The following IL32 variants were observed in gnomAD, a reference collection of about 807,000 sequenced individuals.
The protein encoded by IL32 is interleukin 32.
A neutral mutation model predicts 16.6 loss-of-function variants in IL32; 30 were observed. The ratio of observed to expected loss-of-function variants is 1.81; its 90% confidence interval spans 1.35 to 2.45. The LOEUF is 2.45. Among genes scored for constraint, IL32 ranks in the 30% most tolerant of loss-of-function variants. The pLI, the probability that IL32 is intolerant of heterozygous loss-of-function variation, is 0.00. For synonymous variants in IL32, 70 were observed against 86.1 expected, an observed-to-expected ratio of 0.81 and a Z score of 1.03; for missense variants, 234 against 229.8, an observed-to-expected ratio of 1.02 and a Z score of -0.12.
rs1388676429 is a variant in IL32 at position 3,067,540 on chromosome 16, G to C, written c.55-14G>C. Reference sequence around the variant, plus strand: ...GATCCGGCCCTTTGGTGCCAACTCTGCCTCTCTTCACAGCACCAGGCCATA... The same window carrying C: ...GATCCGGCCCTTTGGTGCCAACTCTCCCTCTCTTCACAGCACCAGGCCATA... On this transcript the variant is annotated splice_polypyrimidine_tract_variant and intron_variant, in intron 3 of 6. Transcript: ENST00000525643. The C allele has an allele frequency of 3.7e-6, 6 of 1,613,920 alleles. No individual in the cohort carries two copies. Among genetic ancestry groups the C allele is most frequent in the Non-Finnish European group, 8.5e-7 (1 of 1,179,994 alleles).
At chr16:3,066,885 G>T (rs1401011317) in intron 2 of IL32, among the ~76,000 whole-genome samples, 1 of 150,528 alleles carries the variant, frequency 6.6e-6, no homozygotes, top group African/African-American at 2.4e-5. Flanking sequence ...ACATGGGGGG[G>T]TGTGTGTGTG....
intron 6 of IL32, 177 bp downstream of exon 6, chr16:3,068,416 C>G (rs916596647): frequency 1.2e-4 from 71 of 615,540 alleles, no homozygotes; most frequent in Admixed American, 2.8e-5. Flanking sequence ...AGTGATTCTC[C>G]TGCCTCAGCC....
At chr16:3,067,271 C>CTCTGTG (rs1317427759) in intron 2 of IL32, 106 bp from the exon 3 acceptor site, 39 of 603,672 alleles carry the variant, frequency 6.5e-5, no homozygotes, top group African/African-American at 5.8e-4. Flanking sequence ...CCATGTGTCT[C>CTCTGTG]TGTGTGTGTG....
Position 3,067,542 on chromosome 16 carries a change from C to T in IL32, c.55-12C>T, listed in dbSNP as rs753486240. 1.1e-5 allele frequency: 18 copies of T among 1,613,948 alleles called. No homozygotes were observed. The highest frequency in any genetic ancestry group is 1.6e-4 in the Middle Eastern group (1 of 6,082). ...TCCGGCCCTTTGGTGCCAACTCTGC[C>T]TCTCTTCACAGCACCAGGCCATAGA... On this transcript the variant is annotated splice_polypyrimidine_tract_variant and intron_variant, in intron 3 of 6. Transcript: ENST00000525643.
At chr16:3,067,508 G>T in intron 3 of IL32, 46 bp from the exon 4 acceptor site, 1 of 1,614,032 alleles carries the variant, frequency 6.2e-7, no homozygotes, top group Non-Finnish European at 8.5e-7. Flanking sequence ...GACCCTGGAG[G>T]GACAAGGATC....
rs772802450 is a variant in IL32, at chr16:3,067,430, T to TA, written c.54+16dup. 1 of 1,603,986 alleles carries TA rather than the reference T, an allele frequency of 6.2e-7. No homozygotes were observed. Among genetic ancestry groups the TA allele is most frequent in the African/African-American group, 1.3e-5 (1 of 74,570 alleles). Reference sequence around the variant, plus strand: ...AGGCCCGAATGGTAATGCTCCTCCCTACTTCTGCTCAGGGGTTGGGGGCCT... The same window carrying TA: ...AGGCCCGAATGGTAATGCTCCTCCCTAACTTCTGCTCAGGGGTTGGGGGCCT... On this transcript the variant is annotated intron_variant, in intron 3 of 6. Transcript: ENST00000525643.
At chr16:3,068,399 G>T in intron 6 of IL32, 160 bp downstream of exon 6, 1 of 661,604 alleles carries the variant, frequency 1.5e-6, no homozygotes, top group Non-Finnish European at 2.6e-6. Context: ...TCCAAATCTC[G>T]GGTTTAAGTG....
intron 2 of IL32, 33 bp from the exon 3 acceptor site, chr16:3,067,344 C>T (rs1172631031): frequency 2.3e-6 from 3 of 1,302,998 alleles, no homozygotes. Context: ...TAAGGTGACA[C>T]ATGGAGACTG....
intron 2 of IL32, among the ~76,000 whole-genome samples, chr16:3,066,764 A>G (rs1478233810): frequency 6.6e-6 from 1 of 152,064 alleles, no homozygotes; most frequent in Admixed American, 6.5e-5. Flanking sequence ...CTCAATTGTC[A>G]TGTCCCTAAA....
At chr16:3,065,607 C>A, upstream of IL32, 1 of 678,184 alleles carries the variant, frequency 1.5e-6, no homozygotes, top group South Asian at 1.7e-5. Flanking sequence ...CCCCCACTTT[C>A]CCCATAAAAC....
rs1956477285 is a variant in IL32 at position 3,067,289 on chromosome 16, G to GTGTGTGTGTGTGTGTCTC, written c.16-73_16-72insCTCTGTGTGTGTGTGTGT. 1.3e-5 allele frequency: 7 copies of GTGTGTGTGTGTGTGTCTC among 559,096 alleles called. No individual in the cohort carries two copies. In the East Asian group the frequency reaches 1.8e-4, roughly 15 times the overall value. The allele number at this position is 559,096 out of a possible 1,614,324, so 34.6% of individuals were successfully genotyped here. On this transcript the variant is annotated intron_variant, in intron 2 of 6. Coordinates refer to ENST00000525643, the MANE Select transcript of IL32 (RefSeq NM_001376923.1). ...TGTGTCTCTGTGTGTGTGTGTGTGTGTGTGTGTGTGTGTGTGTGTGTATAA... is the reference window on the plus strand; with the variant it reads ...TGTGTCTCTGTGTGTGTGTGTGTGTGTGTGTGTGTGTGTGTCTCTGTGTGTGTGTGTGTGTGTGTATAA...
Position 3,067,704 on chromosome 16 carries a change from G to C in IL32, c.114+91G>C, listed in dbSNP as rs772745333. On this transcript the variant is annotated intron_variant, in intron 4 of 6. Coordinates refer to ENST00000525643, the MANE Select transcript of IL32 (RefSeq NM_001376923.1). ...GGGCTCAGGGTGAGAAGGATGAAGA[G>C]GGACCCACAGGCTCCCTCACCCCTT... 1.5e-5 allele frequency: 15 copies of C among 1,034,388 alleles called. No individual in the cohort carries two copies. The Admixed American group carries it at 2.4e-4, about 16-fold the overall frequency. 64.1% of individuals were successfully genotyped at this position (1,034,388 alleles called of 1,614,324 possible). A position where few individuals can be genotyped will look rare whatever the true frequency, so the allele number is the denominator to read the frequency against.
At chr16:3,067,824 G>GT (rs1956569166) in intron 4 of IL32, 160 bp from the exon 5 acceptor site, 1 of 908,734 alleles carries the variant, frequency 1.1e-6, no homozygotes, top group Non-Finnish European at 1.8e-6. Flanking sequence ...AAGCCCCAGG[G>GT]CTCCTTGAGG....
chr16:3,068,549 G>A (rs1039633393), intron 6 of IL32: 1 of 428,648 alleles, frequency 2.3e-6, no homozygotes, highest in African/African-American at 2.0e-5. Context: ...CTAACCTTGT[G>A]TTCCGTCTGC....
rs2151191967 is a variant in IL32 at position 3,067,619 on chromosome 16, T to C, written c.114+6T>C. 2 of 1,600,988 alleles carry C rather than the reference T, an allele frequency of 1.2e-6. No individual in the cohort carries two copies. Among genetic ancestry groups the C allele is most frequent in the Admixed American group, 3.3e-5 (2 of 59,972 alleles). ...CAGAATCAGGACGTGGACAGGTGGGTGGATTTCCCCTCAGGCACCAGGTCA... is the reference window on the plus strand; with the variant it reads ...CAGAATCAGGACGTGGACAGGTGGGCGGATTTCCCCTCAGGCACCAGGTCA... On this transcript the variant is annotated splice_donor_region_variant and intron_variant, in intron 4 of 6. Transcript: ENST00000525643.
At position 3,067,547 on chromosome 16, in the gene IL32, T is replaced by C. The variant is rs1452884160; in HGVS notation, c.55-7T>C. On this transcript the variant is annotated splice_region_variant and splice_polypyrimidine_tract_variant and intron_variant, in intron 3 of 6. Transcript: ENST00000525643. ...CCCTTTGGTGCCAACTCTGCCTCTC[T>C]TCACAGCACCAGGCCATAGAAAGAT... The C allele has an allele frequency of 1.2e-6, 2 of 1,614,066 alleles. No individual in the cohort carries two copies. The highest frequency in any genetic ancestry group is 1.7e-6 in the Non-Finnish European group (2 of 1,179,990).
In IL32 at chr16:3,065,912, C is replaced by G; in HGVS notation, c.15+86C>G. 8 of 1,522,398 alleles carry G rather than the reference C, an allele frequency of 5.3e-6. No homozygotes were observed. The East Asian group carries it at 1.8e-4, about 34-fold the overall frequency. The allele number at this position is 1,522,398 out of a possible 1,614,324, so 94.3% of individuals were successfully genotyped here. On this transcript the variant is annotated intron_variant, in intron 2 of 6. Transcript: ENST00000525643. The stretch of plus-strand genomic sequence containing the variant: ...GGTGCCCTCAGTATTTCCCGAGGTG[C>G]CTGTGTGTCAGGGCTCAGTCAGGGG...
Position 3,068,766 on chromosome 16 carries a change from G to C in IL32, c.202-224G>C, listed in dbSNP as rs79019620. On this transcript the variant is annotated intron_variant, in intron 6 of 6. Transcript: ENST00000525643. ...CAAGGCACGATGAGGGCCCTGACCT[G>C]GTGACCAAGCAGACACACCCATCCT... The C allele has an allele frequency of 1.0e-3, 694 of 673,994 alleles. 2 individuals are homozygous for C. The African/African-American group carries it at 0.012, about 11-fold the overall frequency. 41.8% of individuals were successfully genotyped at this position (673,994 alleles called of 1,614,324 possible).
chr16:3,067,262 C>G (rs1956449767), intron 2 of IL32, 115 bp from the exon 3 acceptor site: 1 of 506,366 alleles, frequency 2.0e-6, no homozygotes, highest in Non-Finnish European at 3.3e-6. Flanking sequence ...GTACCTCTGC[C>G]ATGTGTCTCT....
Sources: gnomAD v4.1 joint callset for allele counts (sites outside exome capture counted in the v4.1 genomes callset) on GRCh38, gnomAD v4.1.1 for gene constraint, MANE v1.5 for transcripts, NCBI Gene and HGNC (gene_info 2026-07-23, HGNC 2026-07-21) for gene names.